The following GSK3B variants were observed in gnomAD, a reference collection of about 807,000 sequenced individuals.
GSK3B encodes glycogen synthase kinase 3 beta.
A neutral mutation model predicts 56.4 loss-of-function variants in GSK3B; 15 were observed. The observed-to-expected ratio is 0.27, with a 90% CI of 0.18 to 0.41. The LOEUF (loss-of-function observed/expected upper bound fraction) is 0.41, where lower values mean the gene tolerates loss of function less well. GSK3B is among the 10% of genes least tolerant of loss of function. GSK3B has a pLI of 1.00. For synonymous variants in GSK3B, 181 were observed against 188.9 expected (o/e 0.96, Z 0.34); for missense variants, 300 against 513.4 (o/e 0.58, Z 4.02).
chr3:120,015,734 G>A (rs2057820542), intron 1 of GSK3B, among the ~76,000 whole-genome samples: 1 of 148,332 alleles, frequency 6.7e-6, no homozygotes, highest in Non-Finnish European at 1.5e-5. Context: ...TCAGCACAAT[G>A]CAAATGCTCA....
At position 119,879,812 on chromosome 3, in the gene GSK3B, T is replaced by C. The variant is rs955176963; in HGVS notation, c.814-3304A>G. On this transcript the variant is annotated intron_variant, in intron 7 of 10. Coordinates refer to ENST00000264235, the MANE Select transcript of GSK3B (RefSeq NM_001146156.2). ...CTATGTTGTTGCATATAACAGGATCTCATTCTTTATGAGTATATATATCAC... is the reference window on the plus strand; with the variant it reads ...CTATGTTGTTGCATATAACAGGATCCCATTCTTTATGAGTATATATATCAC... Among the ~76,000 whole-genome samples, 4 of 152,202 alleles carry C rather than the reference T, an allele frequency of 2.6e-5. No individual in the cohort carries two copies. The East Asian group carries it at 5.8e-4, about 22-fold the overall frequency.
At chr3:119,993,717 G>A (rs1386604624) in intron 2 of GSK3B, among the ~76,000 whole-genome samples, 1 of 152,178 alleles carries the variant, frequency 6.6e-6, no homozygotes, top group Non-Finnish European at 1.5e-5. Flanking sequence ...AGTGAACTCT[G>A]TGATGTTGCT....
At chr3:120,093,318 A>C in intron 1 of GSK3B, 29 bp downstream of exon 1, 1 of 1,382,160 alleles carries the variant, frequency 7.2e-7, no homozygotes, top group Non-Finnish European at 1.0e-6. Context: ...CGAGGTGGAA[A>C]AGGGGTGTAA....
At chr3:119,834,000 G>A (rs1001202410) in intron 10 of GSK3B, among the ~76,000 whole-genome samples, 3 of 151,976 alleles carry the variant, frequency 2.0e-5, no homozygotes, top group Non-Finnish European at 2.9e-5. Flanking sequence ...ACCCCGCCAG[G>A]TATATTTTTA....
At chr3:119,838,833 AAAATCCCT>A (rs1243969418) in intron 10 of GSK3B, among the ~76,000 whole-genome samples, 2 of 152,212 alleles carry the variant, frequency 1.3e-5, no homozygotes, top group Non-Finnish European at 2.9e-5. Context: ...TCCTGAAGTT[AAAATCCCT>A]AAAGTGGAAT....
chr3:120,044,704 T>G (rs2058089199), intron 1 of GSK3B, among the ~76,000 whole-genome samples: 1 of 152,202 alleles, frequency 6.6e-6, no homozygotes, highest in Non-Finnish European at 1.5e-5. Flanking sequence ...CAGCGATTTA[T>G]TAATTACACC....
intron 2 of GSK3B, among the ~76,000 whole-genome samples, chr3:119,972,556 C>T (rs2057377475): frequency 6.6e-6 from 1 of 152,158 alleles, no homozygotes; most frequent in Non-Finnish European, 1.5e-5. Context: ...CTGCCTCAGC[C>T]TCCCGAGTAG....
At chr3:119,902,560 C>T (rs1272558613) in intron 7 of GSK3B, among the ~76,000 whole-genome samples, 1 of 152,034 alleles carries the variant, frequency 6.6e-6, no homozygotes, top group Non-Finnish European at 1.5e-5. Context: ...TGGCACCTGG[C>T]TAGTTTTTAT....
chr3:119,888,013 C>G lies in GSK3B; in HGVS notation c.814-11505G>C, dbSNP rs747729532. On this transcript the variant is annotated intron_variant, in intron 7 of 10. Coordinates refer to ENST00000264235, the MANE Select transcript of GSK3B (RefSeq NM_001146156.2). ...CAATTTCTGCATCAAGTGAAAATAT[C>G]CTTCAAAATACATTTTTAGGCAAAC... Among the ~76,000 whole-genome samples, 6 of 152,146 alleles carry G rather than the reference C, an allele frequency of 3.9e-5. 1 individual carries two copies. In the East Asian group the frequency reaches 9.7e-4, roughly 25 times the overall value.
chr3:119,853,638 T>C (rs1400780767), intron 9 of GSK3B, among the ~76,000 whole-genome samples: 1 of 152,212 alleles, frequency 6.6e-6, no homozygotes, highest in Admixed American at 6.5e-5. Context: ...GTCCTTCACG[T>C]CCCTTGTAAG....
At chr3:120,074,289 G>A (rs570559584) in intron 1 of GSK3B, among the ~76,000 whole-genome samples, 1 of 151,248 alleles carries the variant, frequency 6.6e-6, no homozygotes, top group Non-Finnish European at 1.5e-5. Context: ...CACAGAGTGA[G>A]GCCCTGTCTC....
At chr3:119,954,654 G>A (rs2057194557) in intron 2 of GSK3B, among the ~76,000 whole-genome samples, 1 of 152,094 alleles carries the variant, frequency 6.6e-6, no homozygotes, top group African/African-American at 2.4e-5. Flanking sequence ...TATTTAAAAA[G>A]TCTAAATGGC....
chr3:120,002,242 A>G lies in GSK3B; in HGVS notation c.89-3T>C, dbSNP rs2057684653. ...CACCTTGCTGCCGTCCTTGTCTCCT[A>G]AAGGAAGAAAGGAAATTTTTTTTTC... On this transcript the variant is annotated splice_polypyrimidine_tract_variant and splice_region_variant and intron_variant, in intron 1 of 10. Coordinates refer to ENST00000264235, the MANE Select transcript of GSK3B (RefSeq NM_001146156.2). 1.3e-6 allele frequency: 2 copies of G among 1,508,086 alleles called. No homozygotes were observed. Among genetic ancestry groups the G allele is most frequent in the Non-Finnish European group, 1.8e-6 (2 of 1,131,230 alleles). The allele number at this position is 1,508,086 out of a possible 1,614,324, so 93.4% of individuals were successfully genotyped here. A position where few individuals can be genotyped will look rare whatever the true frequency, so the allele number is the denominator to read the frequency against.
chr3:119,891,377 C>T (rs1576178620), intron 7 of GSK3B, among the ~76,000 whole-genome samples: 2 of 152,138 alleles, frequency 1.3e-5, no homozygotes, highest in East Asian at 3.9e-4. Flanking sequence ...AAACATAAGA[C>T]ATTTTAACAA....
chr3:120,056,533 T>C (rs2058192401), intron 1 of GSK3B, among the ~76,000 whole-genome samples: 2 of 152,002 alleles, frequency 1.3e-5, no homozygotes. Flanking sequence ...AGAGACGGGG[T>C]TTCACCATGT....
intron 7 of GSK3B, among the ~76,000 whole-genome samples, chr3:119,880,568 G>C (rs1428627673): frequency 6.6e-6 from 1 of 152,102 alleles, no homozygotes; most frequent in African/African-American, 2.4e-5. Context: ...TAGATGGAAG[G>C]ATATTCTGAG....
Position 119,879,111 on chromosome 3 carries a change from C to G in GSK3B, c.814-2603G>C, listed in dbSNP as rs151015672. 1.3e-3 allele frequency among the ~76,000 whole-genome samples: 204 copies of G among 152,262 alleles called. 1 individual carries two copies. The highest frequency in any genetic ancestry group is 4.6e-3 in the African/African-American group (193 of 41,544). ...AATATATGAGACACTCTGATATAGG[C>G]ATACAATGTGTAATAATCACATCAG... On this transcript the variant is annotated intron_variant, in intron 7 of 10. Coordinates refer to ENST00000264235, the MANE Select transcript of GSK3B (RefSeq NM_001146156.2).
At chr3:120,001,641 A>G (rs184939369) in intron 2 of GSK3B, among the ~76,000 whole-genome samples, 1 of 152,332 alleles carries the variant, frequency 6.6e-6, no homozygotes. Flanking sequence ...AAGTTGCAAC[A>G]TGGATTAAAA....
rs1039289117 is a variant in GSK3B, at chr3:119,912,696, G to A, written c.715+8C>T. On this transcript the variant is annotated splice_region_variant and intron_variant, in intron 6 of 10. Coordinates refer to ENST00000264235, the MANE Select transcript of GSK3B (RefSeq NM_001146156.2). The stretch of plus-strand genomic sequence containing the variant: ...AATTATGAGCATTATATTCAGATTT[G>A]TACTTACCTATACTAGAGGTATAAT... The A allele has an allele frequency of 8.1e-7, 1 of 1,229,626 alleles. No homozygotes were observed. The highest frequency in any genetic ancestry group is 1.2e-6 in the Non-Finnish European group (1 of 840,610). The allele number at this position is 1,229,626 out of a possible 1,614,324, so 76.2% of individuals were successfully genotyped here. A position where few individuals can be genotyped will look rare whatever the true frequency, so the allele number is the denominator to read the frequency against.
Sources: gnomAD v4.1 joint callset for allele counts (sites outside exome capture counted in the v4.1 genomes callset) on GRCh38, gnomAD v4.1.1 for gene constraint, MANE v1.5 for transcripts, NCBI Gene and HGNC (gene_info 2026-07-23, HGNC 2026-07-21) for gene names.